The following BRD7 variants were observed in gnomAD, a reference collection of about 807,000 sequenced individuals.
The protein encoded by BRD7 is bromodomain-containing protein 7.
A neutral mutation model predicts 82.1 loss-of-function variants in BRD7; 15 were observed. That is an observed-to-expected ratio of 0.18 (90% CI 0.12 to 0.28). BRD7 has a LOEUF of 0.28. BRD7 is among the 10% of genes least tolerant of loss of function. The probability of loss-of-function intolerance (pLI) is 1.00; values close to 1 mark genes in which losing one functional copy is unlikely to be tolerated. For synonymous variants in BRD7, 232 were observed against 266.9 expected (o/e 0.87, Z 1.27); for missense variants, 638 against 779.9 (o/e 0.82, Z 2.17).
chr16:50,325,645 T>C (rs1567600674), intron 11 of BRD7, 103 bp downstream of exon 11: 5 of 899,370 alleles, frequency 5.6e-6, no homozygotes, highest in Admixed American at 3.7e-5. Context: ...ACTGAGCACA[T>C]TTTTTTTTAC....
chr16:50,350,216 A>G (rs770852101), intron 4 of BRD7, 49 bp from the exon 5 acceptor site: 10 of 1,390,968 alleles, frequency 7.2e-6, no homozygotes. Flanking sequence ...TATTACAAAC[A>G]AATCTATTGG....
intron 5 of BRD7, among the ~76,000 whole-genome samples, chr16:50,346,405 G>T (rs941329946): frequency 6.6e-6 from 1 of 152,086 alleles, no homozygotes; most frequent in African/African-American, 2.4e-5. Context: ...CAGAAGGCAA[G>T]AAATAACTAA....
chr16:50,363,674 T>C lies in BRD7; in HGVS notation c.258+4416A>G, dbSNP rs761960082. Among the ~76,000 whole-genome samples, 134 of 58,164 alleles carry C rather than the reference T, an allele frequency of 2.3e-3. 3 individuals are homozygous for C. In the South Asian group the frequency reaches 0.042, roughly 18 times the overall value. 38.2% of individuals were successfully genotyped at this position (58,164 alleles called of 152,430 possible). ...GTGTGTGTGTGTGCGCGCGCGCGCGTGCGCGTGTGCTTCCCCCAACTTTAT... is the reference window on the plus strand; with the variant it reads ...GTGTGTGTGTGTGCGCGCGCGCGCGCGCGCGTGTGCTTCCCCCAACTTTAT... On this transcript the variant is annotated intron_variant, in intron 2 of 16. Transcript: ENST00000394688.
At chr16:50,363,660 T>TGTGCGCGC (rs138025982) in intron 2 of BRD7, among the ~76,000 whole-genome samples, 2 of 102,400 alleles carry the variant, frequency 2.0e-5, no homozygotes, top group East Asian at 4.2e-4. Flanking sequence ...TGTGTGTGTG[T>TGTGCGCGC]GCGCGCGCGC....
At position 50,320,307 on chromosome 16, in the gene BRD7, G is replaced by A. The variant is rs765295228; in HGVS notation, c.1697C>T (p.Thr566Ile). 1.2e-6 allele frequency: 2 copies of A among 1,614,184 alleles called. No homozygotes were observed. Among genetic ancestry groups the A allele is most frequent in the Non-Finnish European group, 1.7e-6 (2 of 1,180,038 alleles). ...LQEAQNERLSTRPPPNMICLL... is the reference protein window; with the variant it reads ...LQEAQNERLSIRPPPNMICLL... ...ACAGATCATGTTCGGAGGGGGTCTG[G>A]TGCTCAAACGTTCATTCTGGGCTTC... is the stretch of plus-strand genomic sequence containing the variant. The change falls in exon 15 of 17, where the codon ACC (threonine) becomes ATC (isoleucine). Residue 566 changes from threonine (T) to isoleucine (I), a missense_variant. Physicochemically the swap from Thr to Ile is moderately conservative, Grantham distance 89. Transcript: ENST00000394688.
chr16:50,339,135 C>G (rs1021873106), intron 6 of BRD7, among the ~76,000 whole-genome samples: 2 of 152,388 alleles, frequency 1.3e-5, no homozygotes, highest in East Asian at 3.9e-4. Context: ...CCTACGCACA[C>G]ACTTCTCTGA....
At chr16:50,352,712 T>TC (rs2038580824) in intron 4 of BRD7, among the ~76,000 whole-genome samples, 1 of 151,964 alleles carries the variant, frequency 6.6e-6, no homozygotes, top group Non-Finnish European at 1.5e-5. Context: ...TTTTTTTTTT[T>TC]TTTTTGTCTT....
chr16:50,351,184 C>T (rs1244440637), intron 4 of BRD7, among the ~76,000 whole-genome samples: 2 of 152,102 alleles, frequency 1.3e-5, no homozygotes, highest in Non-Finnish European at 2.9e-5. Flanking sequence ...TATTTTATAT[C>T]GAATCCTCAC....
At chr16:50,337,771 G>A (rs1342777858) in intron 6 of BRD7, among the ~76,000 whole-genome samples, 2 of 152,018 alleles carry the variant, frequency 1.3e-5, no homozygotes, top group Non-Finnish European at 2.9e-5. Flanking sequence ...AAATTTAAAC[G>A]TTTAAAAATC....
At chr16:50,337,113 G>A (rs1415542603) in intron 6 of BRD7, among the ~76,000 whole-genome samples, 1 of 152,106 alleles carries the variant, frequency 6.6e-6, no homozygotes, top group Non-Finnish European at 1.5e-5. Flanking sequence ...GTAGAGCTAG[G>A]ACTTGAACCT....
At chr16:50,326,766 G>C (rs141887086) in intron 9 of BRD7, among the ~76,000 whole-genome samples, 238 of 152,280 alleles carry the variant, frequency 1.6e-3, no homozygotes, top group African/African-American at 5.5e-3. Context: ...GAAAACACCT[G>C]CATTAAAGAC....
chr16:50,349,443 G>A (rs2038428543), intron 5 of BRD7: 26 of 397,364 alleles, frequency 6.5e-5, no homozygotes, highest in South Asian at 4.5e-4. Flanking sequence ...AAAAGAAAGT[G>A]TGTAGCACTT....
Position 50,327,117 on chromosome 16 carries a change from C to T in BRD7, c.1088-726G>A, listed in dbSNP as rs149795724. On this transcript the variant is annotated intron_variant, in intron 9 of 16. Coordinates refer to ENST00000394688, the MANE Select transcript of BRD7 (RefSeq NM_013263.5). The stretch of plus-strand genomic sequence containing the variant: ...ACATCTAAATCAGATCTTCTCTCCT[C>T]AGCCAACAGTCTGGAATTTGGTTTC... 8.8e-3 allele frequency among the ~76,000 whole-genome samples: 1,341 copies of T among 152,346 alleles called. 27 individuals carry two copies. The highest frequency in any genetic ancestry group is 0.031 in the African/African-American group (1,284 of 41,588).
intron 7 of BRD7, 23 bp from the exon 8 acceptor site, chr16:50,333,720 A>T (rs760537653): frequency 1.1e-5 from 14 of 1,281,624 alleles, no homozygotes; most frequent in Non-Finnish European, 1.4e-5. Context: ...ATTAATACTA[A>T]GTAAAAAAAA....
intron 9 of BRD7, 127 bp from the exon 10 acceptor site, chr16:50,326,518 C>A: frequency 1.9e-6 from 1 of 520,422 alleles, no homozygotes; most frequent in Non-Finnish European, 3.3e-6. Flanking sequence ...CTGGGAAGCG[C>A]TTACTACATC....
At chr16:50,339,247 T>C (rs1214943865) in intron 6 of BRD7, among the ~76,000 whole-genome samples, 1 of 152,218 alleles carries the variant, frequency 6.6e-6, no homozygotes, top group Non-Finnish European at 1.5e-5. Context: ...CTCATTTGTA[T>C]ATAGTCACAT....
rs2036781630 is a variant in BRD7, at chr16:50,316,015, G to A, written c.*3196C>T. The A allele has an allele frequency of 6.5e-6, 1 of 154,420 alleles. No homozygotes were observed. Among genetic ancestry groups the A allele is most frequent in the Non-Finnish European group, 1.4e-5 (1 of 69,458 alleles). 9.6% of individuals were successfully genotyped at this position (154,420 alleles called of 1,614,324 possible). A position where few individuals can be genotyped will look rare whatever the true frequency, so the allele number is the denominator to read the frequency against. ...TCTGGTAAATGAAGCTGAAAGGGGT[G>A]TTTTACATCTGTAAACGGTTTCAAA... is the stretch of plus-strand genomic sequence containing the variant. On this transcript the variant is annotated 3_prime_UTR_variant, in exon 17 of 17. Coordinates refer to ENST00000394688, the MANE Select transcript of BRD7 (RefSeq NM_013263.5).
In BRD7 at chr16:50,319,886, C is replaced by T; in HGVS notation, c.1900+1G>A. 1 of 1,611,252 alleles carries T rather than the reference C, an allele frequency of 6.2e-7. No homozygotes were observed. The highest frequency in any genetic ancestry group is 1.1e-5 in the South Asian group (1 of 90,866). The stretch of plus-strand genomic sequence containing the variant: ...TTTCCCAGAGAAAACAGGGCACGTA[C>T]CTTCTGTCAAATCCACAAAGTTGTT... On this transcript the variant is annotated splice_donor_variant, in intron 16 of 16. Coordinates refer to ENST00000394688, the MANE Select transcript of BRD7 (RefSeq NM_013263.5). LOFTEE classifies it high-confidence loss of function.
intron 11 of BRD7, 122 bp downstream of exon 11, chr16:50,325,623 TAAA>T: frequency 1.2e-6 from 1 of 844,370 alleles, no homozygotes; most frequent in Non-Finnish European, 1.7e-6. Context: ...ATTGTCAGCT[TAAA>T]AAAAAATTAC....
Sources: allele counts gnomAD v4.1 joint callset (sites outside exome capture counted in the v4.1 genomes callset), GRCh38; gene constraint gnomAD v4.1.1; transcripts MANE v1.5; gene names NCBI Gene and HGNC (gene_info 2026-07-23, HGNC 2026-07-21).